WDR49: variants seen among roughly 807,000 people sequenced by gnomAD.
WDR49 encodes the protein cilia- and flagella-associated protein 337.
WDR49 carries 107 observed loss-of-function variants against 119.5 expected under a neutral mutation model. The ratio of observed to expected loss-of-function variants is 0.90; its 90% confidence interval spans 0.77 to 1.05. WDR49 has a LOEUF of 1.05. Ranked by LOEUF, WDR49 falls within the 50% of genes least tolerant of loss-of-function variation. The pLI is 0.00. For synonymous variants in WDR49, 425 were observed against 418.8 expected (o/e 1.01, Z -0.18); for missense variants, 1,240 against 1,220.5 (o/e 1.02, Z -0.24).
chr3:167,650,611 C>T (rs1176036345), intron 2 of WDR49, among the ~76,000 whole-genome samples: 1 of 152,178 alleles, frequency 6.6e-6, no homozygotes, highest in African/African-American at 2.4e-5. Context: ...GTCTTTGCAG[C>T]TCTAACCACT....
At chr3:167,572,055 AG>A (rs1487204781) in intron 8 of WDR49, among the ~76,000 whole-genome samples, 1 of 152,208 alleles carries the variant, frequency 6.6e-6, no homozygotes, top group Non-Finnish European at 1.5e-5. Flanking sequence ...TAAATTCATG[AG>A]TGTTCTTTTG....
upstream of WDR49, among the ~76,000 whole-genome samples, chr3:167,656,530 G>T (rs1489154034): frequency 4.6e-5 from 7 of 152,152 alleles, no homozygotes; most frequent in Admixed American, 1.3e-4. Flanking sequence ...AGACAGACAA[G>T]ATGCCTGGCC....
At chr3:167,577,461 G>A (rs116109085) in intron 7 of WDR49, among the ~76,000 whole-genome samples, 1,773 of 152,034 alleles carry the variant, frequency 0.012, 35 homozygotes, top group Admixed American at 0.053. Flanking sequence ...TGTAACCTAG[G>A]GTCAGATTTC....
At chr3:167,640,912 G>C (rs534946760) in intron 2 of WDR49, among the ~76,000 whole-genome samples, 3 of 151,634 alleles carry the variant, frequency 2.0e-5, no homozygotes, top group Non-Finnish European at 4.4e-5. Flanking sequence ...AATAATGGAA[G>C]TGTCTGTGTG....
intron 18 of WDR49, among the ~76,000 whole-genome samples, chr3:167,484,606 A>G (rs539875168): frequency 1.3e-5 from 2 of 151,930 alleles, no homozygotes; most frequent in Non-Finnish European, 1.5e-5. Context: ...ATAAATCTCA[A>G]TATGAAGTCC....
chr3:167,554,794 C>G lies in WDR49; in HGVS notation c.1679G>C (p.Trp560Ser), dbSNP rs1712826394. 6.3e-7 allele frequency: 1 copy of G among 1,595,210 alleles called. No homozygotes were observed. The highest frequency in any genetic ancestry group is 8.5e-7 in the Non-Finnish European group (1 of 1,172,146). ...TGSTDGTVKI[W>S]DFNGYCHHTL... ...ATGGTGACAATATCCATTGAAGTCCCATATCTTTAAGAGAAAAATTAAAAC... is the reference window on the plus strand; with the variant it reads ...ATGGTGACAATATCCATTGAAGTCCGATATCTTTAAGAGAAAAATTAAAAC... The change falls in exon 10 of 19, where the codon TGG becomes TCG. Residue 560 changes from tryptophan (W) to serine (S), a missense_variant. Physicochemically the swap from Trp to Ser is radical, Grantham distance 177. Coordinates refer to ENST00000682715, the MANE Select transcript of WDR49 (RefSeq NM_001366157.1).
chr3:167,565,956 G>A (rs929098083), intron 8 of WDR49, among the ~76,000 whole-genome samples: 2 of 152,164 alleles, frequency 1.3e-5, no homozygotes, highest in Non-Finnish European at 1.5e-5. Flanking sequence ...TACAAGGGAT[G>A]TATTATAATT....
intron 3 of WDR49, 128 bp from the exon 4 acceptor site, chr3:167,621,771 A>G: frequency 8.0e-6 from 7 of 871,310 alleles, no homozygotes; most frequent in Non-Finnish European, 1.0e-5. Flanking sequence ...ACAGTATTAC[A>G]GAAGTTAAGA....
At chr3:167,650,723 AGGTCACAT>A (rs1718335667) in intron 2 of WDR49, among the ~76,000 whole-genome samples, 1 of 152,202 alleles carries the variant, frequency 6.6e-6, no homozygotes, top group Non-Finnish European at 1.5e-5. Context: ...GCACTGTCAG[AGGTCACAT>A]GGTTTAACTT....
chr3:167,616,275 T>C (rs1363668919), intron 5 of WDR49, among the ~76,000 whole-genome samples: 1 of 152,226 alleles, frequency 6.6e-6, no homozygotes, highest in African/African-American at 2.4e-5. Context: ...TAAAAGGCAT[T>C]GTGCTGGATT....
At position 167,524,239 on chromosome 3, in the gene WDR49, G is replaced by C. The variant is rs144297485; in HGVS notation, c.2605-1755C>G. Among the ~76,000 whole-genome samples the C allele has an allele frequency of 8.6e-3, 1,314 of 152,210 alleles. 20 individuals are homozygous for C. Among genetic ancestry groups the C allele is most frequent in the African/African-American group, 0.03 (1,231 of 41,518 alleles). ...ATATCCTTCACTCACGTTTCGATGA[G>C]GTTGTTTGGTTTCTTTCTTGTACAT... On this transcript the variant is annotated intron_variant, in intron 15 of 18. Transcript: ENST00000682715.
chr3:167,513,797 C>G (rs1275264962), intron 16 of WDR49, among the ~76,000 whole-genome samples: 1 of 152,028 alleles, frequency 6.6e-6, no homozygotes, highest in Admixed American at 6.6e-5. Context: ...AGAAAAAATG[C>G]AGGGGTTGCA....
At chr3:167,525,914 C>T (rs547767167) in intron 15 of WDR49, among the ~76,000 whole-genome samples, 42 of 151,432 alleles carry the variant, frequency 2.8e-4, no homozygotes, top group African/African-American at 9.2e-4. Context: ...TTTTCCTTTC[C>T]CTTTCCCCTC....
At chr3:167,639,163 C>G (rs1392622280) in intron 2 of WDR49, among the ~76,000 whole-genome samples, 1 of 151,692 alleles carries the variant, frequency 6.6e-6, no homozygotes, top group African/African-American at 2.4e-5. Context: ...AACTGAGCTT[C>G]ATTGATTTTC....
chr3:167,569,453 A>AT (rs1164044351), intron 8 of WDR49, among the ~76,000 whole-genome samples: 2 of 151,918 alleles, frequency 1.3e-5, no homozygotes, highest in Admixed American at 6.6e-5. Flanking sequence ...TATTTTCTTG[A>AT]TTTTTTTATA....
chr3:167,532,419 G>A (rs1166171233), intron 12 of WDR49, among the ~76,000 whole-genome samples: 2 of 152,070 alleles, frequency 1.3e-5, no homozygotes, highest in Non-Finnish European at 2.9e-5. Context: ...CCCATCTAAT[G>A]TTCCTCATGG....
rs147305671 is a variant in WDR49 at position 167,489,796 on chromosome 3, G to T, written c.3031+10357C>A. On this transcript the variant is annotated intron_variant, in intron 18 of 18. Coordinates refer to ENST00000682715, the MANE Select transcript of WDR49 (RefSeq NM_001366157.1). ...GCAGCTATGTAATGTACTATGCAAT[G>T]ACTACCTGTCTATGAGTGTACAGCA... 4.0e-3 allele frequency among the ~76,000 whole-genome samples: 604 copies of T among 152,194 alleles called. 3 individuals carry two copies. The highest frequency in any genetic ancestry group is 0.014 in the African/African-American group (565 of 41,534).
intron 4 of WDR49, among the ~76,000 whole-genome samples, chr3:167,620,806 T>C (rs1218199105): frequency 6.6e-6 from 1 of 152,208 alleles, no homozygotes; most frequent in Non-Finnish European, 1.5e-5. Context: ...GTCTTTTACT[T>C]GTTTTTAAGA....
intron 10 of WDR49, among the ~76,000 whole-genome samples, chr3:167,543,078 C>T (rs978458242): frequency 2.0e-5 from 3 of 151,734 alleles, no homozygotes; most frequent in Non-Finnish European, 4.4e-5. Context: ...ACACAATGCC[C>T]CTTGATTAAA....
Sources: gnomAD v4.1 joint callset for allele counts (sites outside exome capture counted in the v4.1 genomes callset) on GRCh38, gnomAD v4.1.1 for gene constraint, MANE v1.5 for transcripts, NCBI Gene and HGNC (gene_info 2026-07-23, HGNC 2026-07-21) for gene names.